The following DCT variants were observed in gnomAD, a reference collection of about 807,000 sequenced individuals.
DCT encodes L-dopachrome tautomerase.
In DCT, 47 loss-of-function variants were observed where a neutral mutation model predicts 53.0. The observed-to-expected ratio is 0.89, with a 90% CI of 0.70 to 1.13. The LOEUF (loss-of-function observed/expected upper bound fraction) is 1.13, where lower values mean the gene tolerates loss of function less well. Ranked by LOEUF, DCT falls within the 50% of genes most tolerant of loss-of-function variation. The pLI, the probability that DCT is intolerant of heterozygous loss-of-function variation, is 0.00. For missense variants in DCT, 669 were observed against 637.4 expected, an observed-to-expected ratio of 1.05 and a Z score of -0.53; for synonymous variants, 244 against 237.0, an observed-to-expected ratio of 1.03 and a Z score of -0.27.
chr13:94,466,289 A>G (rs1884214720), intron 3 of DCT, among the ~76,000 whole-genome samples: 1 of 151,914 alleles, frequency 6.6e-6, no homozygotes, highest in African/African-American at 2.4e-5. Context: ...GTTATGTAGG[A>G]TAAATAACTC....
the DCT span, among the ~76,000 whole-genome samples, chr13:94,525,479 C>A: frequency 2.6e-5 from 4 of 152,142 alleles, no homozygotes; most frequent in Non-Finnish European, 5.9e-5. Flanking sequence ...CAAATACAGG[C>A]TCCATCCCTT....
At chr13:94,465,582 A>T in intron 4 of DCT, 51 bp downstream of exon 4, 1 of 1,563,652 alleles carries the variant, frequency 6.4e-7, no homozygotes, top group Non-Finnish European at 8.8e-7. Flanking sequence ...CATGTCTCAG[A>T]CATCAGAAAA....
At chr13:94,490,519 A>ACAAAC in the DCT span, among the ~76,000 whole-genome samples, 203 of 144,788 alleles carry the variant, frequency 1.4e-3, 7 homozygotes, top group Non-Finnish European at 9.4e-4. Flanking sequence ...AAAAAAAAAA[A>ACAAAC]AAAAAAAAAA....
chr13:94,498,862 AT>A, the DCT span, among the ~76,000 whole-genome samples: 1 of 152,162 alleles, frequency 6.6e-6, no homozygotes, highest in Non-Finnish European at 1.5e-5. Flanking sequence ...TAGCTAAAGG[AT>A]TGTAAATGCA....
the DCT span, among the ~76,000 whole-genome samples, chr13:94,510,516 T>C: frequency 2.0e-5 from 3 of 152,262 alleles, no homozygotes; most frequent in Non-Finnish European, 2.9e-5. Context: ...TTAATTTTCA[T>C]ACTGAGCACA....
In DCT at chr13:94,439,581, T is replaced by G. The variant is rs1882125282; in HGVS notation, c.*317A>C. 1 of 17,288 alleles carries G rather than the reference T, an allele frequency of 5.8e-5. No homozygotes were observed. The highest frequency in any genetic ancestry group is 8.7e-5 in the Non-Finnish European group (1 of 11,472). 1.1% of individuals were successfully genotyped at this position (17,288 alleles called of 1,614,324 possible). ...ATCAATGTTTTGGGATTTTTTTTGT[T>G]TTTTTTTAAATGCTTTCAGAAAAGG... On this transcript the variant is annotated 3_prime_UTR_variant, in exon 8 of 8. Coordinates refer to ENST00000377028, the MANE Select transcript of DCT (RefSeq NM_001922.5).
At chr13:94,460,885 A>T (rs1467269415) in intron 5 of DCT, among the ~76,000 whole-genome samples, 1 of 152,232 alleles carries the variant, frequency 6.6e-6, no homozygotes, top group Non-Finnish European at 1.5e-5. Flanking sequence ...AGATAGATTA[A>T]AGATCTTCTC....
the DCT span, among the ~76,000 whole-genome samples, chr13:94,518,166 G>GAAGGAAGGAAGGAAGGAAGGAAAGAAGA: frequency 7.7e-5 from 11 of 143,094 alleles, no homozygotes; most frequent in African/African-American, 2.5e-4. Flanking sequence ...ATGAAGGAAG[G>GAAGGAAGGAAGGAAGGAAGGAAAGAAGA]AAGGAAGAAA....
intron 6 of DCT, among the ~76,000 whole-genome samples, chr13:94,446,741 C>A (rs1882761379): frequency 6.6e-6 from 1 of 152,112 alleles, no homozygotes; most frequent in African/African-American, 2.4e-5. Flanking sequence ...CTGTTCCAGA[C>A]CTCACTCCTA....
At chr13:94,440,402 C>A (rs1316618910) in intron 7 of DCT, among the ~76,000 whole-genome samples, 1 of 152,122 alleles carries the variant, frequency 6.6e-6, no homozygotes, top group Non-Finnish European at 1.5e-5. Flanking sequence ...TGTGAAAGTG[C>A]ATGCTAAAAT....
At chr13:94,529,739 G>T in the DCT span, among the ~76,000 whole-genome samples, 1 of 152,098 alleles carries the variant, frequency 6.6e-6, no homozygotes, top group Non-Finnish European at 1.5e-5. Flanking sequence ...AACTAGAGAA[G>T]CAAGAGCAAA....
intron 3 of DCT, among the ~76,000 whole-genome samples, chr13:94,466,274 T>C (rs1412331362): frequency 6.6e-6 from 1 of 151,816 alleles, no homozygotes; most frequent in African/African-American, 2.4e-5. Flanking sequence ...AGGTGCAAAG[T>C]TGCAGTTATG....
chr13:94,514,599 G>A, the DCT span, among the ~76,000 whole-genome samples: 2 of 152,308 alleles, frequency 1.3e-5, no homozygotes, highest in South Asian at 4.1e-4. Flanking sequence ...AAGCTAAACA[G>A]GAGTTAACCA....
the DCT span, among the ~76,000 whole-genome samples, chr13:94,511,984 C>T: frequency 4.9e-4 from 75 of 152,182 alleles, 1 homozygote; most frequent in African/African-American, 1.8e-3. Flanking sequence ...CCACCTCCAC[C>T]TCCTGAGTAG....
upstream of DCT, among the ~76,000 whole-genome samples, chr13:94,480,922 A>ATCTAT (rs1333625661): frequency 6.6e-6 from 1 of 152,232 alleles, no homozygotes; most frequent in Non-Finnish European, 1.5e-5. Context: ...AACAACAGAA[A>ATCTAT]TCTATTTTCT....
At chr13:94,498,236 G>C in the DCT span, among the ~76,000 whole-genome samples, 1 of 152,214 alleles carries the variant, frequency 6.6e-6, no homozygotes, top group Non-Finnish European at 1.5e-5. Flanking sequence ...GGTAGACCAA[G>C]CATAATAAGA....
intron 1 of DCT, among the ~76,000 whole-genome samples, chr13:94,472,252 A>C (rs1884691595): frequency 6.6e-6 from 1 of 151,878 alleles, no homozygotes; most frequent in Non-Finnish European, 1.5e-5. Context: ...TTTATTGAAC[A>C]GCTACTATCT....
the DCT span, among the ~76,000 whole-genome samples, chr13:94,529,194 G>A: frequency 6.6e-6 from 1 of 152,072 alleles, no homozygotes; most frequent in Non-Finnish European, 1.5e-5. Context: ...AATAATAGGA[G>A]ACTTTAACAC....
chr13:94,535,237 G>T, the DCT span, among the ~76,000 whole-genome samples: 2 of 152,202 alleles, frequency 1.3e-5, no homozygotes, highest in African/African-American at 4.8e-5. Flanking sequence ...CATGTCCTCA[G>T]TTGTATGTAT....
Sources: allele counts gnomAD v4.1 joint callset (sites outside exome capture counted in the v4.1 genomes callset), GRCh38; gene constraint gnomAD v4.1.1; transcripts MANE v1.5; gene names NCBI Gene and HGNC (gene_info 2026-07-23, HGNC 2026-07-21).